BMPR2: variants seen among roughly 807,000 people sequenced by gnomAD.
BMPR2 encodes bone morphogenetic protein receptor type-2.
Under a neutral mutation model 100.8 loss-of-function variants are expected in BMPR2, and 29 were observed. That is an observed-to-expected ratio of 0.29 (90% CI 0.21 to 0.39). The LOEUF (loss-of-function observed/expected upper bound fraction) is 0.39. Ranked by LOEUF, BMPR2 falls within the 10% of genes least tolerant of loss-of-function variation. BMPR2 has a pLI of 1.00. For synonymous variants in BMPR2, 382 were observed against 442.3 expected (o/e 0.86, Z 1.71); for missense variants, 1,011 against 1,274.5 (o/e 0.79, Z 3.15).
At chr2:202,519,518 A>G (rs991337308) in intron 6 of BMPR2, among the ~76,000 whole-genome samples, 4 of 152,206 alleles carry the variant, frequency 2.6e-5, no homozygotes, top group Non-Finnish European at 5.9e-5. Context: ...TGAATCAACT[A>G]ATTATACTGT....
At chr2:202,456,707 G>T (rs1252970850) in intron 1 of BMPR2, among the ~76,000 whole-genome samples, 2 of 151,736 alleles carry the variant, frequency 1.3e-5, no homozygotes, top group Non-Finnish European at 2.9e-5. Context: ...AAGAGACGGG[G>T]TTTCACCATA....
chr2:202,388,011 G>A (rs1234546073), intron 1 of BMPR2, among the ~76,000 whole-genome samples: 3 of 152,198 alleles, frequency 2.0e-5, no homozygotes, highest in East Asian at 3.9e-4. Context: ...AAACCAATGT[G>A]TTAGCTTGAT....
chr2:202,394,947 G>A (rs1330353149), intron 1 of BMPR2, among the ~76,000 whole-genome samples: 2 of 151,018 alleles, frequency 1.3e-5, no homozygotes, highest in African/African-American at 2.4e-5. Context: ...GTGCAGTGGC[G>A]CAATCTCGGC....
intron 9 of BMPR2, among the ~76,000 whole-genome samples, chr2:202,535,264 C>T (rs1317021942): frequency 6.6e-6 from 1 of 151,456 alleles, no homozygotes; most frequent in Non-Finnish European, 1.5e-5. Context: ...GGCTGCTGGG[C>T]GGAGAGGCTC....
intron 3 of BMPR2, among the ~76,000 whole-genome samples, chr2:202,485,009 T>C (rs1223478055): frequency 1.5e-5 from 2 of 130,876 alleles, no homozygotes; most frequent in Non-Finnish European, 3.3e-5. Context: ...AGAAAAAAAA[T>C]AGAGATGAGG....
At chr2:202,444,891 C>T (rs2105942406) in intron 1 of BMPR2, among the ~76,000 whole-genome samples, 1 of 150,826 alleles carries the variant, frequency 6.6e-6, no homozygotes, top group African/African-American at 2.5e-5. Context: ...CGGGTTCAAG[C>T]AATTCTCGTG....
chr2:202,483,751 CT>C (rs1559052143), intron 3 of BMPR2, among the ~76,000 whole-genome samples: 1 of 152,144 alleles, frequency 6.6e-6, no homozygotes, highest in Non-Finnish European at 1.5e-5. Flanking sequence ...CTTTTGCTGC[CT>C]GCAAGAGGTA....
chr2:202,455,025 G>A (rs559699300), intron 1 of BMPR2, among the ~76,000 whole-genome samples: 2 of 152,128 alleles, frequency 1.3e-5, no homozygotes, highest in Admixed American at 6.5e-5. Context: ...GTTCCTATAG[G>A]GTACTAATCC....
intron 1 of BMPR2, among the ~76,000 whole-genome samples, chr2:202,408,461 T>G (rs1229144561): frequency 6.6e-6 from 1 of 152,214 alleles, no homozygotes; most frequent in Non-Finnish European, 1.5e-5. Flanking sequence ...AGATCTTGAC[T>G]GTACTGGCAC....
intron 1 of BMPR2, among the ~76,000 whole-genome samples, chr2:202,401,282 G>A (rs1022508315): frequency 1.3e-5 from 2 of 152,104 alleles, no homozygotes; most frequent in African/African-American, 4.8e-5. Context: ...ATACCTGAAA[G>A]GAACATGGTT....
At chr2:202,447,277 T>C (rs1385909515) in intron 1 of BMPR2, among the ~76,000 whole-genome samples, 2 of 150,386 alleles carry the variant, frequency 1.3e-5, no homozygotes, top group Non-Finnish European at 1.5e-5. Context: ...CCACTACCCT[T>C]GAGCCTGGGC....
chr2:202,470,637 G>A (rs1481364774), intron 3 of BMPR2, among the ~76,000 whole-genome samples: 2 of 151,796 alleles, frequency 1.3e-5, no homozygotes, highest in Admixed American at 6.6e-5. Flanking sequence ...GGTGGCGGGC[G>A]CCTGTAGTCC....
At chr2:202,488,191 G>A (rs922687877) in intron 3 of BMPR2, among the ~76,000 whole-genome samples, 7 of 152,054 alleles carry the variant, frequency 4.6e-5, no homozygotes, top group Admixed American at 1.3e-4. Context: ...ATCCCTATCC[G>A]TGAACTCCTG....
intron 1 of BMPR2, among the ~76,000 whole-genome samples, chr2:202,417,320 C>T (rs567334237): frequency 5.8e-4 from 88 of 150,938 alleles, no homozygotes; most frequent in African/African-American, 1.2e-3. Flanking sequence ...TTTTTTGAGA[C>T]GGAGTTTCAC....
chr2:202,497,695 C>T (rs894163986), intron 3 of BMPR2, among the ~76,000 whole-genome samples: 7 of 152,206 alleles, frequency 4.6e-5, no homozygotes, highest in African/African-American at 1.7e-4. Context: ...CTATCCTGAC[C>T]CTTGCCCCCT....
At chr2:202,476,971 T>C (rs1050334972) in intron 3 of BMPR2, among the ~76,000 whole-genome samples, 6 of 151,202 alleles carry the variant, frequency 4.0e-5, no homozygotes, top group African/African-American at 1.5e-4. Flanking sequence ...AAAGGATAAT[T>C]TGAGGGAGAG....
chr2:202,531,241 T>C (rs1479173762), intron 8 of BMPR2, among the ~76,000 whole-genome samples: 1 of 152,182 alleles, frequency 6.6e-6, no homozygotes. Flanking sequence ...AGGAGGAAGT[T>C]GCAGTGAGCT....
chr2:202,459,001 G>T (rs917196570), intron 1 of BMPR2, among the ~76,000 whole-genome samples: 2 of 152,152 alleles, frequency 1.3e-5, no homozygotes, highest in Non-Finnish European at 2.9e-5. Context: ...AAGATGTCCT[G>T]CTGCCAAATA....
At chr2:202,496,014 AAGAC>A (rs551664515) in intron 3 of BMPR2, among the ~76,000 whole-genome samples, 4 of 152,320 alleles carry the variant, frequency 2.6e-5, no homozygotes, top group South Asian at 2.1e-4. Flanking sequence ...GAACAGCAAA[AAGAC>A]AGCGTTAAAA....
Sources: gnomAD v4.1 joint callset for allele counts (sites outside exome capture counted in the v4.1 genomes callset) on GRCh38, gnomAD v4.1.1 for gene constraint, MANE v1.5 for transcripts, NCBI Gene and HGNC (gene_info 2026-07-23, HGNC 2026-07-21) for gene names.